STIP1: variants seen among roughly 807,000 people sequenced by gnomAD.
STIP1 encodes stress induced phosphoprotein 1.
Under a neutral mutation model 77.4 loss-of-function variants are expected in STIP1, and 16 were observed. The ratio of observed to expected loss-of-function variants is 0.21; its 90% confidence interval spans 0.14 to 0.31. The LOEUF is 0.31. Among genes scored for constraint, STIP1 ranks in the 10% least tolerant of loss-of-function variants. The pLI is 1.00. For missense variants in STIP1, 524 were observed against 684.8 expected (o/e 0.77, Z 2.62); for synonymous variants, 258 against 246.6 (o/e 1.05, Z -0.44).
At chr11:64,193,648 A>T (rs568588038) in intron 2 of STIP1, among the ~76,000 whole-genome samples, 22 of 152,272 alleles carry the variant, frequency 1.4e-4, no homozygotes, top group Admixed American at 3.9e-4. Flanking sequence ...TTAGCCAGGC[A>T]TGGTGGCATG....
At chr11:64,193,465 C>T (rs191779621) in intron 2 of STIP1, 178 bp downstream of exon 2, 3 of 631,522 alleles carry the variant, frequency 4.8e-6, no homozygotes, top group African/African-American at 3.7e-5. Context: ...AGTTGTAATA[C>T]AGGCTTTATT....
chr11:64,193,266 C>T lies in STIP1; in HGVS notation c.198C>T (p.Asp66=). 1.2e-6 allele frequency: 2 copies of T among 1,614,188 alleles called. No individual in the cohort carries two copies. The highest frequency in any genetic ancestry group is 8.5e-7 in the Non-Finnish European group (1 of 1,180,032). The part of the protein sequence containing the change: ...KAYEDGCKTV[D]LKPDWGKGYS... Reference sequence around the variant, plus strand: ...ATGAGGATGGCTGCAAGACTGTCGACCTAAAGCCTGACTGGGGCAAGGTCA... The same window carrying T: ...ATGAGGATGGCTGCAAGACTGTCGATCTAAAGCCTGACTGGGGCAAGGTCA... Residue 66 remains aspartate (D), a synonymous_variant, in exon 2 of 14, where the codon GAC becomes GAT. Transcript: ENST00000305218.
chr11:64,187,447 T>TC (rs1946036576), intron 1 of STIP1, among the ~76,000 whole-genome samples: 1 of 152,100 alleles, frequency 6.6e-6, no homozygotes, highest in Admixed American at 6.6e-5. Flanking sequence ...GCCCACACTC[T>TC]CCCCTTAAAT....
intron 10 of STIP1, among the ~76,000 whole-genome samples, chr11:64,200,698 G>A (rs1274193456): frequency 6.6e-6 from 1 of 151,818 alleles, no homozygotes; most frequent in Non-Finnish European, 1.5e-5. Context: ...CAGTACATTG[G>A]AAGGTGGGTC....
intron 8 of STIP1, among the ~76,000 whole-genome samples, chr11:64,199,364 G>A (rs1946188376): frequency 6.7e-6 from 1 of 149,648 alleles, no homozygotes. Context: ...AAATTAGCCT[G>A]GTATGGTGGT....
chr11:64,195,717 G>T lies in STIP1; in HGVS notation c.576G>T (p.Glu192Asp), dbSNP rs1380448773. ...LLGVDLGSMD[E>D]EEEIATPPPP... is the part of the protein sequence containing the mutation. ...GGGTCGATCTGGGCAGTATGGATGA[G>T]GAGGAAGAGATTGCAACACCTCCAC... Residue 192 changes from glutamate to aspartate, a missense_variant, in exon 5 of 14, where the codon GAG becomes GAT. Physicochemically the swap from Glu to Asp is conservative, Grantham distance 45. Transcript: ENST00000305218. The T allele has an allele frequency of 1.9e-6, 3 of 1,614,102 alleles. No individual in the cohort carries two copies. The highest frequency in any genetic ancestry group is 1.1e-5 in the South Asian group (1 of 91,076).
At chr11:64,199,124 C>G (rs1021899654) in intron 8 of STIP1, among the ~76,000 whole-genome samples, 2 of 151,214 alleles carry the variant, frequency 1.3e-5, no homozygotes, top group Non-Finnish European at 2.9e-5. Context: ...CGCTTGAACT[C>G]AGTGGGGCGG....
chr11:64,203,896 C>G, intron 13 of STIP1, 158 bp from the exon 14 acceptor site: 2 of 903,804 alleles, frequency 2.2e-6, no homozygotes, highest in East Asian at 4.9e-5. Context: ...GCAAGTTCTG[C>G]GAAGTGGAGC....
upstream of STIP1, chr11:64,185,843 A>T (rs557020966): frequency 2.6e-6 from 4 of 1,536,116 alleles, no homozygotes; most frequent in Admixed American, 2.0e-5. Flanking sequence ...CGGCAGCCCA[A>T]TGGGAGAGGT....
intron 1 of STIP1, among the ~76,000 whole-genome samples, chr11:64,192,142 C>T (rs1033037635): frequency 6.6e-5 from 10 of 152,134 alleles, no homozygotes; most frequent in Admixed American, 1.3e-4. Flanking sequence ...GGTGAAACCC[C>T]GTCTCTACTA....
intron 10 of STIP1, 145 bp downstream of exon 10, chr11:64,200,438 G>GTCCT: frequency 7.5e-7 from 1 of 1,332,542 alleles, no homozygotes; most frequent in Non-Finnish European, 1.0e-6. Context: ...GCCTCCTGAG[G>GTCCT]AGCTAGGACC....
chr11:64,198,948 C>G (rs1946182681), intron 8 of STIP1, among the ~76,000 whole-genome samples: 1 of 151,448 alleles, frequency 6.6e-6, no homozygotes, highest in Admixed American at 6.6e-5. Context: ...GCCTGTAATC[C>G]CAGCACTTTG....
chr11:64,189,233 C>T (rs575551799), intron 1 of STIP1, among the ~76,000 whole-genome samples: 4 of 152,254 alleles, frequency 2.6e-5, no homozygotes, highest in African/African-American at 7.2e-5. Flanking sequence ...TGGTGGCACG[C>T]GCCTGTAGTC....
chr11:64,190,363 G>A (rs11231721), intron 1 of STIP1, among the ~76,000 whole-genome samples: 16,019 of 152,042 alleles, frequency 0.11, 1,372 homozygotes, highest in East Asian at 0.49. Context: ...TTTTAGTAGA[G>A]ACGGGGTTTC....
At chr11:64,188,126 C>T (rs865903994) in intron 1 of STIP1, among the ~76,000 whole-genome samples, 1 of 151,064 alleles carries the variant, frequency 6.6e-6, no homozygotes, top group African/African-American at 2.4e-5. Flanking sequence ...GTGGGCGAAT[C>T]ACCTGAGGTC....
chr11:64,202,225 T>G (rs1946226132), intron 10 of STIP1, among the ~76,000 whole-genome samples: 1 of 151,188 alleles, frequency 6.6e-6, no homozygotes. Flanking sequence ...TTTTTATTTT[T>G]GTTTGTTTGT....
chr11:64,186,393 C>T (rs1377986411), intron 1 of STIP1, 123 bp downstream of exon 1: 5 of 137,816 alleles, frequency 3.6e-5, no homozygotes, highest in East Asian at 2.7e-4. Context: ...TGGGGCCGGA[C>T]GGGGCGGCGG....
chr11:64,194,614 T>C lies in STIP1; in HGVS notation c.497T>C (p.Leu166Pro), dbSNP rs1222375390. 1.2e-6 allele frequency: 2 copies of C among 1,612,732 alleles called. No individual in the cohort carries two copies. The highest frequency in any genetic ancestry group is 1.7e-6 in the Non-Finnish European group (2 of 1,179,326). Reference protein sequence around the residue: ...IEQLRNKPSDLGTKLQDPRIM... With the variant: ...IEQLRNKPSDPGTKLQDPRIM... The stretch of plus-strand genomic sequence containing the variant: ...CAGCTACGAAACAAGCCTTCTGACC[T>C]GGGCACGTAAGTGGACGCCGCTCAC... The change falls in exon 4 of 14, where the codon CTG (leucine) becomes CCG (proline). Residue 166 changes from leucine (L) to proline (P), a missense_variant. By Grantham distance (98) the Leu-to-Pro change is moderately conservative. Transcript: ENST00000305218.
At chr11:64,188,414 G>T (rs573420004) in intron 1 of STIP1, among the ~76,000 whole-genome samples, 1 of 151,968 alleles carries the variant, frequency 6.6e-6, no homozygotes, top group Admixed American at 6.5e-5. Context: ...TAGAGACAGG[G>T]TCTGGTTCTG....
Sources: gnomAD v4.1 joint callset for allele counts (sites outside exome capture counted in the v4.1 genomes callset) on GRCh38, gnomAD v4.1.1 for gene constraint, MANE v1.5 for transcripts, NCBI Gene and HGNC (gene_info 2026-07-23, HGNC 2026-07-21) for gene names.